CNTN6: variants seen among roughly 807,000 people sequenced by gnomAD.
The protein encoded by CNTN6 is contactin 6, also known as contactin-6.
Under a neutral mutation model 122.8 loss-of-function variants are expected in CNTN6, and 137 were observed. That is an observed-to-expected ratio of 1.12 (90% CI 0.97 to 1.29). The LOEUF (loss-of-function observed/expected upper bound fraction) is 1.29, where lower values mean the gene tolerates loss of function less well. CNTN6 is among the 50% of genes most tolerant of loss of function. The pLI is 0.00. For synonymous variants in CNTN6, 570 were observed against 426.0 expected (o/e 1.34, Z -4.16); for missense variants, 1,634 against 1,223.4 (o/e 1.34, Z -5.01).
At chr3:1,218,929 C>G (rs576084087) in intron 2 of CNTN6, among the ~76,000 whole-genome samples, 4 of 152,228 alleles carry the variant, frequency 2.6e-5, no homozygotes, top group African/African-American at 9.6e-5. Context: ...AGGTGAAATA[C>G]AAGATGATCC....
chr3:1,400,732 G>C (rs1241369259), intron 20 of CNTN6, among the ~76,000 whole-genome samples: 2 of 152,104 alleles, frequency 1.3e-5, no homozygotes, highest in Non-Finnish European at 2.9e-5. Flanking sequence ...TCTGAACAGA[G>C]GAGGTTTTAA....
At chr3:1,256,976 G>A (rs370280491) in intron 4 of CNTN6, among the ~76,000 whole-genome samples, 1 of 152,040 alleles carries the variant, frequency 6.6e-6, no homozygotes, top group Non-Finnish European at 1.5e-5. Context: ...TTGAAAAATG[G>A]TTATGCCAAA....
chr3:1,118,304 C>T (rs2125049044), intron 1 of CNTN6, among the ~76,000 whole-genome samples: 2 of 152,262 alleles, frequency 1.3e-5, no homozygotes, highest in Non-Finnish European at 2.9e-5. Context: ...AAAGATAGTG[C>T]TCTGAATGAC....
chr3:1,261,819 ATAATTT>A (rs1437471687), intron 4 of CNTN6, among the ~76,000 whole-genome samples: 4 of 152,204 alleles, frequency 2.6e-5, no homozygotes, highest in African/African-American at 4.8e-5. Flanking sequence ...ATTTTATCAC[ATAATTT>A]TAATTTAAAA....
intron 11 of CNTN6, among the ~76,000 whole-genome samples, chr3:1,345,800 A>G (rs545842417): frequency 6.6e-6 from 1 of 152,258 alleles, no homozygotes; most frequent in South Asian, 2.1e-4. Flanking sequence ...AACTCATTTT[A>G]ATAAAATCAA....
intron 1 of CNTN6, among the ~76,000 whole-genome samples, chr3:1,141,114 C>CTGT (rs1416331327): frequency 1.3e-5 from 2 of 152,130 alleles, no homozygotes; most frequent in Non-Finnish European, 2.9e-5. Context: ...AGTTGGAAAT[C>CTGT]TGTTATAAAA....
chr3:1,160,373 C>G (rs1179806873), intron 2 of CNTN6, among the ~76,000 whole-genome samples: 6 of 91,028 alleles, frequency 6.6e-5, no homozygotes, highest in Admixed American at 1.2e-4. Context: ...TATATACACA[C>G]TACCTATATG....
At chr3:1,145,233 C>A (rs1173940459) in intron 1 of CNTN6, among the ~76,000 whole-genome samples, 1 of 152,162 alleles carries the variant, frequency 6.6e-6, no homozygotes, top group African/African-American at 2.4e-5. Flanking sequence ...AGAGATTATA[C>A]ACTTTTTCTG....
intron 4 of CNTN6, among the ~76,000 whole-genome samples, chr3:1,244,246 G>T (rs1394749673): frequency 6.6e-6 from 1 of 152,098 alleles, no homozygotes; most frequent in Non-Finnish European, 1.5e-5. Flanking sequence ...GAGGGTGGAA[G>T]GTGGCCCATA....
At chr3:1,286,883 A>G (rs9847319) in intron 5 of CNTN6, among the ~76,000 whole-genome samples, 3,526 of 152,300 alleles carry the variant, frequency 0.023, 142 homozygotes, top group African/African-American at 0.079. Flanking sequence ...AATATTTACC[A>G]AGCAAAAGGA....
At chr3:1,331,226 A>G (rs1443258465) in intron 11 of CNTN6, among the ~76,000 whole-genome samples, 1 of 151,970 alleles carries the variant, frequency 6.6e-6, no homozygotes, top group Non-Finnish European at 1.5e-5. Context: ...TATTCTCTGC[A>G]TTTCTTTACA....
intron 7 of CNTN6, among the ~76,000 whole-genome samples, chr3:1,301,024 CTTTT>C (rs562912841): frequency 2.5e-4 from 23 of 93,268 alleles, no homozygotes; most frequent in African/African-American, 8.7e-4. Flanking sequence ...AGTCCCTAAA[CTTTT>C]TTTTTTTTTT....
chr3:1,264,358 T>A (rs893255295), intron 4 of CNTN6, among the ~76,000 whole-genome samples: 8 of 152,184 alleles, frequency 5.3e-5, no homozygotes, highest in African/African-American at 1.9e-4. Flanking sequence ...TTTAAATTAC[T>A]GTTATAGCAA....
At chr3:1,119,773 C>T (rs2091882774) in intron 1 of CNTN6, among the ~76,000 whole-genome samples, 2 of 151,928 alleles carry the variant, frequency 1.3e-5, no homozygotes, top group African/African-American at 4.8e-5. Context: ...TTTATGGGTC[C>T]AGTTAAATGA....
At chr3:1,379,083 A>G (rs155388) in intron 17 of CNTN6, among the ~76,000 whole-genome samples, 2 of 151,926 alleles carry the variant, frequency 1.3e-5, no homozygotes, top group Non-Finnish European at 2.9e-5. Flanking sequence ...CCTCCTTGGT[A>G]AGAAATTCCT....
intron 2 of CNTN6, among the ~76,000 whole-genome samples, chr3:1,152,013 T>A (rs1158976695): frequency 6.6e-6 from 1 of 152,188 alleles, no homozygotes; most frequent in Non-Finnish European, 1.5e-5. Flanking sequence ...AATGAGATAA[T>A]TTGGATAACC....
chr3:1,241,913 C>T (rs2094490822), intron 4 of CNTN6, among the ~76,000 whole-genome samples: 4 of 152,302 alleles, frequency 2.6e-5, no homozygotes, highest in Admixed American at 2.6e-4. Flanking sequence ...GAGGGCTAGG[C>T]TAAAACAGTA....
intron 2 of CNTN6, among the ~76,000 whole-genome samples, chr3:1,155,494 T>G (rs2092942652): frequency 6.6e-6 from 1 of 152,156 alleles, no homozygotes; most frequent in African/African-American, 2.4e-5. Context: ...TTTTTTTAAT[T>G]TTTAAAAACT....
rs368111547 is a variant in CNTN6 at position 1,355,129 on chromosome 3, A to G, written c.1492+2678A>G. ...GAAATTTTGCTATATTTTAACCTTC[A>G]TGACACATCCACATCCCATTTTAAG... On this transcript the variant is annotated intron_variant, in intron 12 of 22. Coordinates refer to ENST00000446702, the MANE Select transcript of CNTN6 (RefSeq NM_001289080.2). Among the ~76,000 whole-genome samples, 12 of 151,780 alleles carry G rather than the reference A, an allele frequency of 7.9e-5. 1 individual carries two copies. The highest frequency in any genetic ancestry group is 7.8e-4 in the East Asian group (4 of 5,160).
Sources: allele counts gnomAD v4.1 joint callset (sites outside exome capture counted in the v4.1 genomes callset), GRCh38; gene constraint gnomAD v4.1.1; transcripts MANE v1.5; gene names NCBI Gene and HGNC (gene_info 2026-07-23, HGNC 2026-07-21).